PDE8B: variants seen among roughly 807,000 people sequenced by gnomAD.
PDE8B encodes the protein phosphodiesterase 8B.
Under a neutral mutation model 101.3 loss-of-function variants are expected in PDE8B, and 26 were observed. That is an observed-to-expected ratio of 0.26 (90% confidence interval 0.19 to 0.36). The LOEUF (loss-of-function observed/expected upper bound fraction) is 0.36. Ranked by LOEUF, PDE8B falls within the 10% of genes least tolerant of loss-of-function variation. The pLI, the probability that PDE8B is intolerant of heterozygous loss-of-function variation, is 1.00. For missense variants in PDE8B, 810 were observed against 1,163.1 expected (o/e 0.70, Z 4.42); for synonymous variants, 424 against 429.3 (o/e 0.99, Z 0.15).
upstream of PDE8B, among the ~76,000 whole-genome samples, chr5:77,206,950 C>T (rs1217639843): frequency 6.6e-6 from 1 of 152,178 alleles, no homozygotes; most frequent in Non-Finnish European, 1.5e-5. Flanking sequence ...CTCTGGAGAT[C>T]ATCTAGGAAA....
chr5:77,181,944 C>T, the PDE8B span, among the ~76,000 whole-genome samples: 1 of 152,268 alleles, frequency 6.6e-6, no homozygotes, highest in Admixed American at 6.5e-5. Flanking sequence ...ACTTGACTGC[C>T]CTCTTGACCT....
chr5:77,224,378 A>G (rs1309498527), intron 1 of PDE8B, among the ~76,000 whole-genome samples: 2 of 152,212 alleles, frequency 1.3e-5, no homozygotes, highest in Non-Finnish European at 2.9e-5. Flanking sequence ...AATGTATACA[A>G]ATGTAGTGAG....
At chr5:77,150,762 T>A in the PDE8B span, among the ~76,000 whole-genome samples, 1 of 152,186 alleles carries the variant, frequency 6.6e-6, no homozygotes, top group African/African-American at 2.4e-5. Flanking sequence ...CTAGCTACTA[T>A]GAAGTGTATT....
At chr5:77,395,382 T>C (rs1311218345) in intron 10 of PDE8B, among the ~76,000 whole-genome samples, 1 of 152,014 alleles carries the variant, frequency 6.6e-6, no homozygotes, top group African/African-American at 2.4e-5. Flanking sequence ...CCCAAAGTGC[T>C]GGGATTATAG....
At chr5:77,347,971 G>A (rs759627088) in intron 7 of PDE8B, among the ~76,000 whole-genome samples, 7 of 152,150 alleles carry the variant, frequency 4.6e-5, no homozygotes, top group Non-Finnish European at 8.8e-5. Flanking sequence ...AGTACTACAT[G>A]TCAGTAATGG....
chr5:77,122,211 T>G, the PDE8B span, among the ~76,000 whole-genome samples: 1 of 152,214 alleles, frequency 6.6e-6, no homozygotes, highest in East Asian at 1.9e-4. Context: ...TCACTGCGAT[T>G]GCCCATCCAC....
upstream of PDE8B, among the ~76,000 whole-genome samples, chr5:77,205,670 G>T (rs1363311042): frequency 2.0e-5 from 3 of 152,154 alleles, no homozygotes; most frequent in East Asian, 3.8e-4. Context: ...CATTTACATG[G>T]TTTTTATGCA....
intron 12 of PDE8B, among the ~76,000 whole-genome samples, chr5:77,406,379 G>A (rs1464245090): frequency 2.6e-5 from 4 of 152,238 alleles, no homozygotes; most frequent in Non-Finnish European, 4.4e-5. Flanking sequence ...GTGAGGGACA[G>A]TAACCAATAA....
intron 10 of PDE8B, among the ~76,000 whole-genome samples, chr5:77,357,793 C>T (rs1464080595): frequency 1.3e-5 from 2 of 152,236 alleles, no homozygotes; most frequent in East Asian, 3.8e-4. Context: ...TTTTCTTCCT[C>T]CCTCTTTTGC....
At chr5:77,183,969 C>CT in the PDE8B span, among the ~76,000 whole-genome samples, 28,325 of 137,092 alleles carry the variant, frequency 0.21, 3,759 homozygotes, top group East Asian at 0.81. Flanking sequence ...TAAATACATA[C>CT]TTTTTTTTTT....
At chr5:77,137,829 A>G in the PDE8B span, among the ~76,000 whole-genome samples, 1 of 152,130 alleles carries the variant, frequency 6.6e-6, no homozygotes, top group Admixed American at 6.5e-5. Flanking sequence ...AGCCAAGGAG[A>G]GACTTTTTTT....
At chr5:77,218,961 AT>A (rs1253070775) in intron 1 of PDE8B, among the ~76,000 whole-genome samples, 3 of 152,222 alleles carry the variant, frequency 2.0e-5, no homozygotes, top group Non-Finnish European at 4.4e-5. Context: ...CAGATAGGTT[AT>A]CCCAAAGCCT....
chr5:77,186,965 A>C, the PDE8B span, among the ~76,000 whole-genome samples: 1 of 152,226 alleles, frequency 6.6e-6, no homozygotes, highest in Non-Finnish European at 1.5e-5. Context: ...ATTGATTACA[A>C]GTCTGAATCT....
the PDE8B span, among the ~76,000 whole-genome samples, chr5:77,127,321 A>G: frequency 6.6e-6 from 1 of 151,922 alleles, no homozygotes; most frequent in East Asian, 1.9e-4. Context: ...GTGGGTTCTC[A>G]CGAGATCTGA....
the PDE8B span, among the ~76,000 whole-genome samples, chr5:77,181,044 T>C: frequency 6.6e-6 from 1 of 151,774 alleles, no homozygotes; most frequent in East Asian, 1.9e-4. Context: ...CTCGGGACTC[T>C]GCAATGGGGC....
At chr5:77,269,385 A>G (rs576806752) in intron 1 of PDE8B, among the ~76,000 whole-genome samples, 24 of 152,276 alleles carry the variant, frequency 1.6e-4, no homozygotes, top group African/African-American at 4.6e-4. Context: ...CGCTCTTGTC[A>G]GATGGTTAGT....
chr5:77,306,904 C>T (rs1352668871), intron 1 of PDE8B, among the ~76,000 whole-genome samples: 2 of 152,190 alleles, frequency 1.3e-5, no homozygotes, highest in African/African-American at 4.8e-5. Flanking sequence ...TATTTTCCCA[C>T]TTGCTTTCAT....
At chr5:77,256,734 T>G (rs1759261846) in intron 1 of PDE8B, among the ~76,000 whole-genome samples, 5 of 152,218 alleles carry the variant, frequency 3.3e-5, no homozygotes, top group Admixed American at 2.6e-4. Context: ...AATGAGGTAC[T>G]GCAAAGTTAT....
the PDE8B span, among the ~76,000 whole-genome samples, chr5:77,097,701 A>C: frequency 4.2e-3 from 90 of 21,626 alleles, 1 homozygote; most frequent in African/African-American, 0.011. Flanking sequence ...ATCTATATAT[A>C]TATATCTATA....
Sources: allele counts gnomAD v4.1 joint callset (sites outside exome capture counted in the v4.1 genomes callset), GRCh38; gene constraint gnomAD v4.1.1; transcripts MANE v1.5; gene names NCBI Gene and HGNC (gene_info 2026-07-23, HGNC 2026-07-21).